The following PRKAG2 variants were observed in gnomAD, a reference collection of about 807,000 sequenced individuals.
PRKAG2 encodes the protein 5'-AMP-activated protein kinase subunit gamma-2.
Under a neutral mutation model 69.6 loss-of-function variants are expected in PRKAG2, and 26 were observed. The observed-to-expected ratio is 0.37, with a 90% CI of 0.27 to 0.52. The LOEUF (loss-of-function observed/expected upper bound fraction) is 0.52, where lower values mean the gene tolerates loss of function less well. Among genes scored for constraint, PRKAG2 ranks in the 20% least tolerant of loss-of-function variants. The probability of loss-of-function intolerance (pLI) is 0.90; values close to 1 mark genes in which losing one functional copy is unlikely to be tolerated. For missense variants in PRKAG2, 557 were observed against 740.0 expected, an observed-to-expected ratio of 0.75 and a Z score of 2.87; for synonymous variants, 293 against 285.0, an observed-to-expected ratio of 1.03 and a Z score of -0.28.
At chr7:151,804,444 A>G (rs1451387671) in intron 1 of PRKAG2, among the ~76,000 whole-genome samples, 2 of 152,176 alleles carry the variant, frequency 1.3e-5, no homozygotes, top group Non-Finnish European at 2.9e-5. Flanking sequence ...AGAACTCACT[A>G]TCACAGAACA....
chr7:151,696,286 G>A (rs959716134), intron 3 of PRKAG2, among the ~76,000 whole-genome samples: 4 of 152,248 alleles, frequency 2.6e-5, no homozygotes, highest in African/African-American at 9.6e-5. Context: ...CCTTCTCACA[G>A]CCATCGTGCA....
intron 3 of PRKAG2, among the ~76,000 whole-genome samples, chr7:151,730,364 T>C (rs1798734021): frequency 6.6e-6 from 1 of 152,196 alleles, no homozygotes; most frequent in Non-Finnish European, 1.5e-5. Flanking sequence ...TCCCTACTTC[T>C]GTATTCTTTC....
At chr7:151,688,496 C>T (rs894547164) in intron 3 of PRKAG2, among the ~76,000 whole-genome samples, 4 of 152,138 alleles carry the variant, frequency 2.6e-5, no homozygotes, top group Admixed American at 1.3e-4. Context: ...CCAGTGGCTG[C>T]GAGGCCCTGG....
chr7:151,602,071 G>A (rs571769528), intron 5 of PRKAG2, among the ~76,000 whole-genome samples: 1 of 152,394 alleles, frequency 6.6e-6, no homozygotes, highest in African/African-American at 2.4e-5. Context: ...GCGGCACAGA[G>A]AGATCTGGTC....
intron 3 of PRKAG2, among the ~76,000 whole-genome samples, chr7:151,761,675 G>A (rs776314592): frequency 6.6e-6 from 1 of 152,148 alleles, no homozygotes; most frequent in Non-Finnish European, 1.5e-5. Context: ...TGGCATGACC[G>A]GACTCATGTC....
At chr7:151,732,053 A>C (rs1231203753) in intron 3 of PRKAG2, among the ~76,000 whole-genome samples, 1 of 151,492 alleles carries the variant, frequency 6.6e-6, no homozygotes, top group Non-Finnish European at 1.5e-5. Flanking sequence ...AGTTGGTCTC[A>C]AACTCCTGGG....
At chr7:151,576,346 T>C in intron 7 of PRKAG2, 25 bp downstream of exon 7, 2 of 1,554,688 alleles carry the variant, frequency 1.3e-6, no homozygotes, top group Middle Eastern at 1.7e-4. Flanking sequence ...CCATTTTCGA[T>C]TTTCCTCAGG....
chr7:151,794,861 T>A (rs1321615268), intron 1 of PRKAG2, among the ~76,000 whole-genome samples: 2 of 152,162 alleles, frequency 1.3e-5, no homozygotes, highest in Non-Finnish European at 2.9e-5. Flanking sequence ...CCTTGCCCAC[T>A]CCGGGCAGCC....
chr7:151,794,312 G>A (rs1446497235), intron 1 of PRKAG2, among the ~76,000 whole-genome samples: 1 of 152,240 alleles, frequency 6.6e-6, no homozygotes, highest in Non-Finnish European at 1.5e-5. Flanking sequence ...TCCCTGGCCC[G>A]GAGTGCCCAG....
intron 3 of PRKAG2, among the ~76,000 whole-genome samples, chr7:151,687,958 G>T (rs1455299673): frequency 6.6e-6 from 1 of 151,870 alleles, no homozygotes; most frequent in Non-Finnish European, 1.5e-5. Context: ...GGGTGTATAG[G>T]GTGGAGCGGG....
chr7:151,706,427 C>A (rs569900087), intron 3 of PRKAG2, among the ~76,000 whole-genome samples: 18 of 152,350 alleles, frequency 1.2e-4, no homozygotes, highest in African/African-American at 4.3e-4. Flanking sequence ...ACTCATCTCC[C>A]AGACTGTGAA....
chr7:151,622,709 G>C (rs1821828005), intron 5 of PRKAG2, among the ~76,000 whole-genome samples: 1 of 152,174 alleles, frequency 6.6e-6, no homozygotes, highest in Non-Finnish European at 1.5e-5. Flanking sequence ...CAGGAACAGG[G>C]ATAAGCACAA....
At chr7:151,790,882 T>A (rs1318187119) in intron 1 of PRKAG2, among the ~76,000 whole-genome samples, 1 of 152,196 alleles carries the variant, frequency 6.6e-6, no homozygotes, top group Non-Finnish European at 1.5e-5. Context: ...GGGACTCACG[T>A]CAAGATGGTG....
At chr7:151,674,415 A>G (rs1832573285) in intron 4 of PRKAG2, among the ~76,000 whole-genome samples, 1 of 152,204 alleles carries the variant, frequency 6.6e-6, no homozygotes, top group Non-Finnish European at 1.5e-5. Flanking sequence ...TGCGACACTA[A>G]TGTGACAACT....
chr7:151,674,866 G>GA (rs974901760), intron 4 of PRKAG2: 6 of 163,300 alleles, frequency 3.7e-5, no homozygotes, highest in Non-Finnish European at 8.1e-5. Flanking sequence ...AAGCTGAGGG[G>GA]AAAAAAACCT....
chr7:151,562,259 A>AAAAAAAAAAAAAG (rs1805213259), intron 14 of PRKAG2, among the ~76,000 whole-genome samples: 1 of 149,352 alleles, frequency 6.7e-6, no homozygotes, highest in African/African-American at 2.4e-5. Context: ...AAAAAAAAAA[A>AAAAAAAAAAAAAG]AAAAAAAAAA....
rs1328666911 is a variant in PRKAG2, at chr7:151,712,438, AC to A, written c.467-36802del. 3.3e-5 allele frequency among the ~76,000 whole-genome samples: 5 copies of A among 152,320 alleles called. No homozygotes were observed. In the East Asian group the frequency reaches 9.6e-4, roughly 29 times the overall value. On this transcript the variant is annotated intron_variant, in intron 3 of 15. Transcript: ENST00000287878. ...AGGACCCACGAGACTGCTAATGGTA[AC>A]CACAGGGACAGCCCTGCAGGGGCCT...
intron 11 of PRKAG2, among the ~76,000 whole-genome samples, chr7:151,568,405 C>G (rs1485468745): frequency 6.6e-6 from 1 of 152,204 alleles, no homozygotes; most frequent in African/African-American, 2.4e-5. Flanking sequence ...CAACAGTCCT[C>G]AATTAGACTT....
At position 151,588,370 on chromosome 7, in the gene PRKAG2, T is replaced by G. The variant is rs577637872; in HGVS notation, c.864+6975A>C. 2.0e-5 allele frequency among the ~76,000 whole-genome samples: 3 copies of G among 151,866 alleles called. No homozygotes were observed. The South Asian group carries it at 6.3e-4, about 32-fold the overall frequency. ...AATAAGTCTCACAAGATCTGATTTTTTTTTTTTTTAAGACAGATTCTTGCT... is the reference window on the plus strand; with the variant it reads ...AATAAGTCTCACAAGATCTGATTTTGTTTTTTTTTAAGACAGATTCTTGCT... On this transcript the variant is annotated intron_variant, in intron 6 of 15. Coordinates refer to ENST00000287878, the MANE Select transcript of PRKAG2 (RefSeq NM_016203.4).
Sources: gnomAD v4.1 joint callset for allele counts (sites outside exome capture counted in the v4.1 genomes callset) on GRCh38, gnomAD v4.1.1 for gene constraint, MANE v1.5 for transcripts, NCBI Gene and HGNC (gene_info 2026-07-23, HGNC 2026-07-21) for gene names.